The following CIT variants were observed in gnomAD, a reference collection of about 807,000 sequenced individuals.
The protein encoded by CIT is citron Rho-interacting kinase.
CIT carries 79 observed loss-of-function variants against 272.7 expected under a neutral mutation model. That is an observed-to-expected ratio of 0.29 (90% confidence interval 0.24 to 0.35). The LOEUF is 0.35. Among genes scored for constraint, CIT ranks in the 10% least tolerant of loss-of-function variants. The pLI, the probability that CIT is intolerant of heterozygous loss-of-function variation, is 1.00. For missense variants in CIT, 1,909 were observed against 2,618.3 expected (o/e 0.73, Z 5.91); for synonymous variants, 948 against 995.6 (o/e 0.95, Z 0.90).
chr12:119,769,183 G>A (rs1336610632), intron 18 of CIT, among the ~76,000 whole-genome samples: 1 of 150,482 alleles, frequency 6.6e-6, no homozygotes, highest in Non-Finnish European at 1.5e-5. Flanking sequence ...ACAACTTTAA[G>A]ACCAAATTTC....
chr12:119,823,004 CT>C, intron 8 of CIT, 31 bp from the exon 9 acceptor site: 2 of 1,573,562 alleles, frequency 1.3e-6, no homozygotes, highest in Non-Finnish European at 1.7e-6. Context: ...GAATTATTTC[CT>C]TAGTAGGGAT....
chr12:119,765,961 T>A (rs561895954), intron 19 of CIT, among the ~76,000 whole-genome samples: 1 of 152,312 alleles, frequency 6.6e-6, no homozygotes, highest in East Asian at 1.9e-4. Context: ...CAGTACTATT[T>A]ACAATAGCTA....
intron 47 of CIT, among the ~76,000 whole-genome samples, chr12:119,689,416 G>C (rs58839747): frequency 0.03 from 4,538 of 151,770 alleles, 207 homozygotes; most frequent in African/African-American, 0.1. Context: ...AAGCATATGT[G>C]TGTATGTGTG....
chr12:119,718,961 G>A lies in CIT; in HGVS notation c.3841-100C>T, dbSNP rs549669630. On this transcript the variant is annotated intron_variant, in intron 30 of 47. Coordinates refer to ENST00000392521, the MANE Select transcript of CIT (RefSeq NM_001206999.2). The surrounding 1 kb of genome is among the most constrained non-coding windows in gnomAD (Gnocchi z 4.8). ...GGGAGGAGCAAACCACAAAAGCCAG[G>A]AGCATACTCACTGTAAGTGTATTTA... 3.2e-5 allele frequency: 37 copies of A among 1,171,496 alleles called. No individual in the cohort carries two copies. Among genetic ancestry groups the A allele is most frequent in the Middle Eastern group, 4.0e-4 (2 of 5,054 alleles). 72.6% of individuals were successfully genotyped at this position (1,171,496 alleles called of 1,614,324 possible).
At chr12:119,755,656 G>A (rs188367536) in intron 22 of CIT, among the ~76,000 whole-genome samples, 27 of 152,294 alleles carry the variant, frequency 1.8e-4, no homozygotes, top group African/African-American at 6.5e-4. Flanking sequence ...TCAGGAACAG[G>A]TCTGTCTTGT....
At chr12:119,827,906 C>T (rs547717440) in intron 7 of CIT, among the ~76,000 whole-genome samples, 1 of 152,320 alleles carries the variant, frequency 6.6e-6, no homozygotes, top group South Asian at 2.1e-4. Flanking sequence ...TTTGCACTTA[C>T]TGGATTTCAT....
Position 119,694,012 on chromosome 12 carries a change from CA to C in CIT, c.5883-3559del, listed in dbSNP as rs1214247061. 6.6e-6 allele frequency among the ~76,000 whole-genome samples: 1 copy of C among 152,178 alleles called. No individual in the cohort carries two copies. The highest frequency in any genetic ancestry group is 6.5e-5 in the Admixed American group (1 of 15,282). The stretch of plus-strand genomic sequence containing the variant: ...AATAATCCAGAAGATTATCTTAGGT[CA>C]TTTATTCCCGGGGTTAAATAATCTC... On this transcript the variant is annotated intron_variant, in intron 46 of 47. Transcript: ENST00000392521. This position sits in a 1 kb window ranked among gnomAD's most constrained non-coding sequence, Gnocchi z 4.5.
At chr12:119,689,967 C>CTG (rs1285915714) in intron 47 of CIT, among the ~76,000 whole-genome samples, 184 bp downstream of exon 47, 8 of 152,222 alleles carry the variant, frequency 5.3e-5, no homozygotes, top group Non-Finnish European at 1.0e-4. Context: ...GCGTGAGCCA[C>CTG]CACGCCCGGC....
chr12:119,867,728 C>T (rs1950555119), intron 3 of CIT, among the ~76,000 whole-genome samples: 1 of 151,910 alleles, frequency 6.6e-6, no homozygotes, highest in South Asian at 2.1e-4. Context: ...CTCTGACAAC[C>T]GAAAACGTCA....
At chr12:119,857,778 A>G in intron 3 of CIT, 80 bp from the exon 4 acceptor site, 1 of 1,275,918 alleles carries the variant, frequency 7.8e-7, no homozygotes. Flanking sequence ...AAAAAAAAAG[A>G]AAATAGCATT....
intron 12 of CIT, 156 bp from the exon 13 acceptor site, chr12:119,782,793 T>C: frequency 1.2e-6 from 1 of 801,978 alleles, no homozygotes; most frequent in Admixed American, 2.9e-5. Flanking sequence ...GACTCCGGTT[T>C]CCATCCTGTA....
At chr12:119,720,707 C>G (rs539546634) in intron 29 of CIT, 122 bp from the exon 30 acceptor site, 6 of 633,740 alleles carry the variant, frequency 9.5e-6, no homozygotes, top group Non-Finnish European at 1.6e-5. Flanking sequence ...CCAACACAAA[C>G]AGTACTGAGT....
Position 119,713,392 on chromosome 12 carries a change from A to G in CIT, c.4487+76T>C. On this transcript the variant is annotated intron_variant, in intron 34 of 47. Transcript: ENST00000392521. The surrounding 1 kb of genome is among the most constrained non-coding windows in gnomAD (Gnocchi z 5.2). ...GGGTGGCAGAGTTCCTAGAAAAGAC[A>G]CTTCCCTAGAAAACATCAGGGACAG... The G allele has an allele frequency of 3.8e-6, 6 of 1,583,398 alleles. No homozygotes were observed. Among genetic ancestry groups the G allele is most frequent in the Non-Finnish European group, 5.2e-6 (6 of 1,156,686 alleles).
At chr12:119,734,104 T>C in intron 26 of CIT, 60 bp downstream of exon 26, 1 of 1,553,252 alleles carries the variant, frequency 6.4e-7, no homozygotes, top group South Asian at 1.2e-5. Flanking sequence ...TGTCCACAAC[T>C]CTCAGGCCGA....
intron 7 of CIT, among the ~76,000 whole-genome samples, chr12:119,828,427 T>C (rs1030572243): frequency 2.0e-5 from 3 of 152,122 alleles, no homozygotes; most frequent in African/African-American, 7.2e-5. Flanking sequence ...TGATTATGAT[T>C]TTGCAATATG....
chr12:119,787,005 C>T (rs191125014), intron 10 of CIT, among the ~76,000 whole-genome samples: 3 of 152,158 alleles, frequency 2.0e-5, no homozygotes, highest in South Asian at 2.1e-4. Context: ...AGTCTCACTC[C>T]GATGCCCAGG....
chr12:119,874,049 A>AT (rs1009323453), intron 2 of CIT, among the ~76,000 whole-genome samples: 4 of 151,752 alleles, frequency 2.6e-5, no homozygotes, highest in East Asian at 1.9e-4. Flanking sequence ...CCTCTATGTT[A>AT]TTTTTTTTGT....
chr12:119,848,854 C>A (rs549013171), intron 5 of CIT, among the ~76,000 whole-genome samples: 1 of 152,072 alleles, frequency 6.6e-6, no homozygotes, highest in Admixed American at 6.6e-5. Context: ...GGCAAAACCC[C>A]GTCTCTACTA....
chr12:119,801,509 C>T (rs1161186193), intron 10 of CIT, among the ~76,000 whole-genome samples: 1 of 152,178 alleles, frequency 6.6e-6, no homozygotes, highest in African/African-American at 2.4e-5. Flanking sequence ...CGAATCCTCC[C>T]TCGTCTTTCA....
Sources: allele counts gnomAD v4.1 joint callset (sites outside exome capture counted in the v4.1 genomes callset), GRCh38; gene constraint gnomAD v4.1.1; non-coding constraint Gnocchi (gnomAD v3.1); transcripts MANE v1.5; gene names NCBI Gene and HGNC (gene_info 2026-07-23, HGNC 2026-07-21).